The following ADAMTS17 variants were observed in gnomAD, a reference collection of about 807,000 sequenced individuals.
ADAMTS17 encodes ADAM metallopeptidase with thrombospondin type 1 motif 17, also known as A disintegrin and metalloproteinase with thrombospondin motifs 17.
In ADAMTS17, 113 loss-of-function variants were observed where a neutral mutation model predicts 141.5. The observed-to-expected ratio is 0.80, with a 90% CI of 0.69 to 0.93. The LOEUF (loss-of-function observed/expected upper bound fraction) is 0.93. Among genes scored for constraint, ADAMTS17 ranks in the 40% least tolerant of loss-of-function variants. The pLI is 0.00. For missense variants in ADAMTS17, 1,659 were observed against 1,517.9 expected, an observed-to-expected ratio of 1.09 and a Z score of -1.54; for synonymous variants, 768 against 630.6, an observed-to-expected ratio of 1.22 and a Z score of -3.27.
At chr15:100,240,810 T>C (rs910308269) in intron 7 of ADAMTS17, among the ~76,000 whole-genome samples, 1 of 152,194 alleles carries the variant, frequency 6.6e-6, no homozygotes, top group Non-Finnish European at 1.5e-5. Flanking sequence ...AACTTCTGTT[T>C]GTTTTTCTCT....
At chr15:100,059,092 A>G (rs1011770467) in intron 15 of ADAMTS17, among the ~76,000 whole-genome samples, 2 of 152,228 alleles carry the variant, frequency 1.3e-5, no homozygotes, top group African/African-American at 4.8e-5. Context: ...CTCACAAGCC[A>G]CACACAGCTG....
chr15:100,089,811 A>G (rs935028055), intron 15 of ADAMTS17, among the ~76,000 whole-genome samples: 7 of 131,230 alleles, frequency 5.3e-5, no homozygotes, highest in Middle Eastern at 3.9e-3. Flanking sequence ...GAAGGGGAAC[A>G]TCACACACTG....
chr15:100,063,670 G>T, intron 15 of ADAMTS17: 1 of 1,289,816 alleles, frequency 7.8e-7, no homozygotes, highest in Non-Finnish European at 1.0e-6. Flanking sequence ...CAAGTCATTT[G>T]TGTTTTACCC....
intron 7 of ADAMTS17, among the ~76,000 whole-genome samples, chr15:100,201,788 T>C (rs140864316): frequency 2.0e-5 from 3 of 152,316 alleles, no homozygotes; most frequent in Non-Finnish European, 4.4e-5. Flanking sequence ...CCAGAAAGGA[T>C]GTGATGTGGT....
intron 8 of ADAMTS17, among the ~76,000 whole-genome samples, chr15:100,162,928 CTATA>C (rs202139654): frequency 1.5e-5 from 2 of 136,692 alleles, no homozygotes; most frequent in Middle Eastern, 4.2e-3. Context: ...ATATATATAA[CTATA>C]TATGTATATA....
At chr15:99,976,486 C>G (rs1300961853) in intron 20 of ADAMTS17, 3 of 594,252 alleles carry the variant, frequency 5.0e-6, no homozygotes, top group Admixed American at 2.9e-5. Flanking sequence ...CAGGCACTTG[C>G]AATCATTCAG....
intron 7 of ADAMTS17, among the ~76,000 whole-genome samples, chr15:100,250,389 G>C (rs1456513130): frequency 6.6e-6 from 1 of 152,174 alleles, no homozygotes; most frequent in East Asian, 1.9e-4. Context: ...CAAGGCAGCT[G>C]TTCAAAATCT....
chr15:100,152,505 T>C lies in ADAMTS17; in HGVS notation c.1473+107A>G. ...GTATACCTGTGCTTGTGTGTGTATG[T>C]GCCTGTGCTGAGTGTGAATGCCCAT... is the stretch of plus-strand genomic sequence containing the variant. On this transcript the variant is annotated intron_variant, in intron 10 of 21. Transcript: ENST00000268070. The C allele has an allele frequency of 6.2e-6, 9 of 1,452,142 alleles. No individual in the cohort carries two copies. The East Asian group carries it at 6.8e-5, about 11-fold the overall frequency. 90.0% of individuals were successfully genotyped at this position (1,452,142 alleles called of 1,614,324 possible). A position where few individuals can be genotyped will look rare whatever the true frequency, so the allele number is the denominator to read the frequency against.
At chr15:100,082,107 C>T (rs905416210) in intron 15 of ADAMTS17, among the ~76,000 whole-genome samples, 2 of 152,104 alleles carry the variant, frequency 1.3e-5, no homozygotes, top group Non-Finnish European at 2.9e-5. Context: ...CTTCTGTTGC[C>T]CAGGCTGGAG....
chr15:100,215,248 A>T (rs1278353220), intron 7 of ADAMTS17, among the ~76,000 whole-genome samples: 2 of 152,204 alleles, frequency 1.3e-5, no homozygotes, highest in Admixed American at 1.3e-4. Flanking sequence ...AAGTGAAGCA[A>T]GATGTTGATG....
chr15:99,996,771 A>ATT (rs796443930), intron 19 of ADAMTS17, among the ~76,000 whole-genome samples: 187 of 147,274 alleles, frequency 1.3e-3, no homozygotes, highest in African/African-American at 4.5e-3. Context: ...TTATTCAGCT[A>ATT]TTTTTTTTTT....
At chr15:100,086,259 C>T (rs1464154950) in intron 15 of ADAMTS17, among the ~76,000 whole-genome samples, 2 of 152,052 alleles carry the variant, frequency 1.3e-5, no homozygotes, top group Admixed American at 1.3e-4. Context: ...AAGGCCATTA[C>T]ATAATGGTAA....
intron 8 of ADAMTS17, among the ~76,000 whole-genome samples, chr15:100,174,788 A>C (rs1444864182): frequency 6.6e-6 from 1 of 152,242 alleles, no homozygotes; most frequent in Non-Finnish European, 1.5e-5. Flanking sequence ...GGTTTCAAGC[A>C]AGGCACTGAA....
chr15:100,331,254 C>T (rs1189297538), intron 2 of ADAMTS17, among the ~76,000 whole-genome samples, 200 bp from the exon 3 acceptor site: 3 of 152,120 alleles, frequency 2.0e-5, no homozygotes, highest in South Asian at 2.1e-4. Context: ...AGAGCAGCTG[C>T]GTTGGGGGTA....
chr15:100,154,964 A>G (rs1036639564), intron 9 of ADAMTS17, among the ~76,000 whole-genome samples: 1 of 152,126 alleles, frequency 6.6e-6, no homozygotes, highest in African/African-American at 2.4e-5. Flanking sequence ...CAATTACGTA[A>G]TGATCACCCA....
At chr15:99,980,359 G>C (rs1489856198) in intron 20 of ADAMTS17, 1 of 152,224 alleles carries the variant, frequency 6.6e-6, no homozygotes, top group Non-Finnish European at 1.5e-5. Flanking sequence ...TACACCTGCT[G>C]CCTGCCGACC....
chr15:100,230,599 C>T (rs1249140716), intron 7 of ADAMTS17, among the ~76,000 whole-genome samples: 1 of 152,208 alleles, frequency 6.6e-6, no homozygotes, highest in East Asian at 1.9e-4. Flanking sequence ...ATCTTCATAA[C>T]AGCTATCTCA....
intron 7 of ADAMTS17, among the ~76,000 whole-genome samples, chr15:100,206,361 G>A (rs913461571): frequency 6.6e-6 from 1 of 152,188 alleles, no homozygotes; most frequent in Non-Finnish European, 1.5e-5. Context: ...GGCATGCCCA[G>A]GACACCCCTC....
At chr15:100,026,225 T>C (rs1023194885) in intron 18 of ADAMTS17, among the ~76,000 whole-genome samples, 9 of 152,206 alleles carry the variant, frequency 5.9e-5, no homozygotes, top group Non-Finnish European at 8.8e-5. Context: ...TGTAGAACAA[T>C]AGTTTATTTT....
Sources: gnomAD v4.1 joint callset for allele counts (sites outside exome capture counted in the v4.1 genomes callset) on GRCh38, gnomAD v4.1.1 for gene constraint, MANE v1.5 for transcripts, NCBI Gene and HGNC (gene_info 2026-07-23, HGNC 2026-07-21) for gene names.